The following KCNJ3 variants were observed in gnomAD, a reference collection of about 807,000 sequenced individuals.
KCNJ3 encodes potassium inwardly rectifying channel subfamily J member 3, also known as G protein-activated inward rectifier potassium channel 1.
In KCNJ3, 4 loss-of-function variants were observed where a neutral mutation model predicts 39.2. That is an observed-to-expected ratio of 0.10 (90% confidence interval 0.05 to 0.23). The LOEUF (loss-of-function observed/expected upper bound fraction) is 0.23, where lower values mean the gene tolerates loss of function less well. KCNJ3 is among the 10% of genes least tolerant of loss of function. The pLI is 1.00. For missense variants in KCNJ3, 276 were observed against 634.9 expected, an observed-to-expected ratio of 0.43 and a Z score of 6.08; for synonymous variants, 230 against 237.4, an observed-to-expected ratio of 0.97 and a Z score of 0.29.
At chr2:154,707,425 C>T (rs1685032240) in intron 1 of KCNJ3, among the ~76,000 whole-genome samples, 1 of 152,072 alleles carries the variant, frequency 6.6e-6, no homozygotes, top group African/African-American at 2.4e-5. Flanking sequence ...AAGTTGTCAT[C>T]CTCCTGATAG....
chr2:154,837,342 A>C (rs1312911955), intron 2 of KCNJ3, among the ~76,000 whole-genome samples: 1 of 152,080 alleles, frequency 6.6e-6, no homozygotes, highest in Non-Finnish European at 1.5e-5. Flanking sequence ...TCAATATAAG[A>C]AGCTCTTTGT....
At chr2:154,721,976 A>G (rs1349158569) in intron 2 of KCNJ3, among the ~76,000 whole-genome samples, 1 of 152,202 alleles carries the variant, frequency 6.6e-6, no homozygotes, top group Non-Finnish European at 1.5e-5. Flanking sequence ...AATGACATAA[A>G]GACTATATTT....
At chr2:154,796,091 C>T (rs377595646) in intron 2 of KCNJ3, among the ~76,000 whole-genome samples, 6 of 151,984 alleles carry the variant, frequency 3.9e-5, no homozygotes, top group South Asian at 2.1e-4. Context: ...TAGATTAAAA[C>T]GCAAACTGTG....
At chr2:154,783,756 A>G (rs544959530) in intron 2 of KCNJ3, among the ~76,000 whole-genome samples, 3 of 152,128 alleles carry the variant, frequency 2.0e-5, no homozygotes, top group Non-Finnish European at 4.4e-5. Flanking sequence ...CTCCTTAACT[A>G]CAAGAGATGG....
rs188356049 is a variant in KCNJ3, at chr2:154,721,336, T to C, written c.919+11517T>C. 2.3e-3 allele frequency among the ~76,000 whole-genome samples: 356 copies of C among 152,260 alleles called. 2 individuals are homozygous for C. Among genetic ancestry groups the C allele is most frequent in the African/African-American group, 8.2e-3 (339 of 41,564 alleles). On this transcript the variant is annotated intron_variant, in intron 2 of 2. Transcript: ENST00000295101. ...TGATCTATTGGTTTTAATTGAGTTA[T>C]TGCATATTGTTGGAATTCAGTCTAA... is the stretch of plus-strand genomic sequence containing the variant.
At chr2:154,850,493 T>C (rs1687741138) in intron 2 of KCNJ3, among the ~76,000 whole-genome samples, 1 of 152,168 alleles carries the variant, frequency 6.6e-6, no homozygotes, top group Non-Finnish European at 1.5e-5. Context: ...CTCTCAATTA[T>C]ATCTTATCTT....
chr2:154,721,389 T>C (rs1334667324), intron 2 of KCNJ3, among the ~76,000 whole-genome samples: 1 of 152,166 alleles, frequency 6.6e-6, no homozygotes, highest in Non-Finnish European at 1.5e-5. Flanking sequence ...GTCTGCTAAA[T>C]ATATCTAAAA....
intron 2 of KCNJ3, among the ~76,000 whole-genome samples, chr2:154,790,389 G>A (rs1184448917): frequency 6.6e-6 from 1 of 152,006 alleles, no homozygotes; most frequent in Non-Finnish European, 1.5e-5. Context: ...TAACGGTATT[G>A]TTGCATAAAC....
chr2:154,783,145 C>G (rs1208159795), intron 2 of KCNJ3, among the ~76,000 whole-genome samples: 1 of 151,986 alleles, frequency 6.6e-6, no homozygotes, highest in African/African-American at 2.4e-5. Context: ...CCACTGCACT[C>G]CAGCCTGGGC....
At chr2:154,730,911 C>T (rs1043635559) in intron 2 of KCNJ3, among the ~76,000 whole-genome samples, 1 of 151,900 alleles carries the variant, frequency 6.6e-6, no homozygotes, top group Non-Finnish European at 1.5e-5. Flanking sequence ...ATAAACCTAC[C>T]AAAAATTGAA....
chr2:154,726,669 A>G (rs1574436651), intron 2 of KCNJ3, among the ~76,000 whole-genome samples: 1 of 152,068 alleles, frequency 6.6e-6, no homozygotes, highest in Admixed American at 6.6e-5. Flanking sequence ...ATGCATGTTT[A>G]TAGCAAGCAG....
intron 2 of KCNJ3, among the ~76,000 whole-genome samples, chr2:154,718,023 C>T (rs1685210709): frequency 1.3e-5 from 2 of 152,110 alleles, no homozygotes; most frequent in Admixed American, 1.3e-4. Flanking sequence ...TCATGTTTAC[C>T]TCTCTAGTTT....
At chr2:154,723,609 T>C (rs573643988) in intron 2 of KCNJ3, among the ~76,000 whole-genome samples, 16 of 138,532 alleles carry the variant, frequency 1.2e-4, no homozygotes, top group African/African-American at 4.1e-4. Context: ...TTTCTCATTT[T>C]ATTATGTTTT....
chr2:154,701,079 G>A (rs1476709542), intron 1 of KCNJ3, among the ~76,000 whole-genome samples: 1 of 152,146 alleles, frequency 6.6e-6, no homozygotes, highest in East Asian at 1.9e-4. Context: ...GTCAGATCAA[G>A]CTGGGCAGTT....
At chr2:154,763,005 C>A (rs1686072295) in intron 2 of KCNJ3, among the ~76,000 whole-genome samples, 1 of 152,170 alleles carries the variant, frequency 6.6e-6, no homozygotes, top group African/African-American at 2.4e-5. Flanking sequence ...AATTTAATTT[C>A]TCCAAGCCTC....
At chr2:154,832,743 A>G (rs1279737919) in intron 2 of KCNJ3, among the ~76,000 whole-genome samples, 1 of 152,052 alleles carries the variant, frequency 6.6e-6, no homozygotes, top group Non-Finnish European at 1.5e-5. Flanking sequence ...CATTGTGAAG[A>G]ATGATTAAAT....
intron 2 of KCNJ3, among the ~76,000 whole-genome samples, chr2:154,757,030 A>T (rs928999770): frequency 6.6e-6 from 1 of 152,090 alleles, no homozygotes; most frequent in African/African-American, 2.4e-5. Flanking sequence ...TTCACAATTC[A>T]CTAGAAATAA....
At chr2:154,738,271 G>A (rs1053130217) in intron 2 of KCNJ3, among the ~76,000 whole-genome samples, 28 of 152,054 alleles carry the variant, frequency 1.8e-4, no homozygotes, top group Admixed American at 6.6e-5. Flanking sequence ...GTCACCAGAG[G>A]CTGGGAAGGG....
intron 2 of KCNJ3, among the ~76,000 whole-genome samples, chr2:154,823,787 G>A (rs930694538): frequency 6.6e-6 from 1 of 151,950 alleles, no homozygotes; most frequent in African/African-American, 2.4e-5. Context: ...TTTTTGTAAG[G>A]TGTTTATATT....
Sources: allele counts gnomAD v4.1 joint callset (sites outside exome capture counted in the v4.1 genomes callset), GRCh38; gene constraint gnomAD v4.1.1; transcripts MANE v1.5; gene names NCBI Gene and HGNC (gene_info 2026-07-23, HGNC 2026-07-21).